SLC12A6: variants seen among roughly 807,000 people sequenced by gnomAD.
The protein encoded by SLC12A6 is solute carrier family 12 member 6, also known as K-Cl cotransporter 3.
SLC12A6 carries 66 observed loss-of-function variants against 135.3 expected under a neutral mutation model. That is an observed-to-expected ratio of 0.49 (90% CI 0.40 to 0.60). The LOEUF (loss-of-function observed/expected upper bound fraction) is 0.60. Among genes scored for constraint, SLC12A6 ranks in the 20% least tolerant of loss-of-function variants. The pLI is 0.00. For missense variants in SLC12A6, 1,058 were observed against 1,452.3 expected, an observed-to-expected ratio of 0.73 and a Z score of 4.41; for synonymous variants, 513 against 508.8, an observed-to-expected ratio of 1.01 and a Z score of -0.11.
chr15:34,271,421 T>C (rs1236559291), intron 3 of SLC12A6, among the ~76,000 whole-genome samples: 1 of 151,940 alleles, frequency 6.6e-6, no homozygotes, highest in African/African-American at 2.4e-5. Context: ...GTTTTGGTTA[T>C]CAAGGTTGCA....
intron 9 of SLC12A6, among the ~76,000 whole-genome samples, chr15:34,252,979 C>G (rs1400653764): frequency 2.0e-5 from 3 of 152,076 alleles, no homozygotes; most frequent in African/African-American, 7.2e-5. Context: ...CCTCTATGGC[C>G]TAAGAGAAAA....
chr15:34,239,488 T>C (rs950110795), intron 19 of SLC12A6, among the ~76,000 whole-genome samples: 1 of 152,216 alleles, frequency 6.6e-6, no homozygotes. Flanking sequence ...TCTTTCTCAG[T>C]TGACCAGGGT....
At chr15:34,255,131 G>C in intron 8 of SLC12A6, 131 bp downstream of exon 8, 1 of 802,838 alleles carries the variant, frequency 1.2e-6, no homozygotes, top group Non-Finnish European at 2.2e-6. Flanking sequence ...TCATGTAAGA[G>C]GCCAACTGAC....
intron 2 of SLC12A6, among the ~76,000 whole-genome samples, chr15:34,327,150 T>TA (rs1566874304): frequency 6.6e-6 from 1 of 151,962 alleles, no homozygotes; most frequent in Non-Finnish European, 1.5e-5. Context: ...AATGACTTTT[T>TA]AAAAAATGAA....
In SLC12A6 at chr15:34,262,788, G is replaced by A. The variant is rs114313717; in HGVS notation, c.317-1768C>T. Among the ~76,000 whole-genome samples the A allele has an allele frequency of 6.8e-3, 1,033 of 152,276 alleles. 13 individuals carry two copies. The highest frequency in any genetic ancestry group is 0.023 in the African/African-American group (972 of 41,556). On this transcript the variant is annotated intron_variant, in intron 3 of 25. Coordinates refer to ENST00000354181, the MANE Select transcript of SLC12A6 (RefSeq NM_001365088.1). ...ACAGCCCGCTTCTGTCTCACTGCTT[G>A]GAGCAGCCAGCTGGACACTGCACTC...
At position 34,236,119 on chromosome 15, in the gene SLC12A6, A is replaced by G; in HGVS notation, c.3123T>C (p.Tyr1041=). 6.2e-7 allele frequency: 1 copy of G among 1,613,488 alleles called. No homozygotes were observed. The change falls in exon 24 of 26, where the codon TAT becomes TAC. Residue 1041 remains tyrosine, a synonymous_variant. Transcript: ENST00000354181. ...TCCAAGTCATGTGCACCTTCTCCTG[A>G]TAGGTTTCTGTCTCTTCGTCCTCAT... ...GSDEDEETET[Y]QEKVHMTWTK...
chr15:34,270,573 C>T (rs1343062389), intron 3 of SLC12A6, among the ~76,000 whole-genome samples: 1 of 152,044 alleles, frequency 6.6e-6, no homozygotes, highest in African/African-American at 2.4e-5. Context: ...GAGGACGAGA[C>T]AGGCGGATCA....
intron 2 of SLC12A6, among the ~76,000 whole-genome samples, chr15:34,297,574 G>C (rs1246170661): frequency 6.6e-6 from 1 of 152,224 alleles, no homozygotes; most frequent in South Asian, 2.1e-4. Flanking sequence ...CCAGGCCTCA[G>C]CTGTGGTCTT....
At chr15:34,250,557 T>A in intron 12 of SLC12A6, 74 bp downstream of exon 12, 1 of 902,996 alleles carries the variant, frequency 1.1e-6, no homozygotes, top group Non-Finnish European at 1.9e-6. Context: ...GTTACCAGGA[T>A]AAAAATACTG....
At chr15:34,265,373 A>C (rs1381740426) in intron 3 of SLC12A6, among the ~76,000 whole-genome samples, 4 of 151,774 alleles carry the variant, frequency 2.6e-5, no homozygotes, top group African/African-American at 9.7e-5. Context: ...TACAGAAGAC[A>C]GAAAGTAAGT....
chr15:34,243,308 G>C (rs999461134), intron 16 of SLC12A6, among the ~76,000 whole-genome samples: 3 of 152,196 alleles, frequency 2.0e-5, no homozygotes, highest in Non-Finnish European at 2.9e-5. Flanking sequence ...CCATTGGTAA[G>C]TGAAGACAGA....
intron 2 of SLC12A6, among the ~76,000 whole-genome samples, chr15:34,301,889 T>C (rs347845): frequency 0.4 from 60,151 of 152,104 alleles, 14,907 homozygotes; most frequent in African/African-American, 0.71. Context: ...TAACAGAGGC[T>C]CTTAAGCAAA....
intron 2 of SLC12A6, chr15:34,299,623 C>T (rs1355329121): frequency 2.0e-5 from 3 of 152,158 alleles, no homozygotes; most frequent in African/African-American, 7.2e-5. Context: ...GGTATTTGAG[C>T]TCAGTCTTAA....
At position 34,245,731 on chromosome 15, in the gene SLC12A6, G is replaced by A. The variant is rs934613592; in HGVS notation, c.1786C>T (p.Gln596Ter). 1 of 1,613,804 alleles carries A rather than the reference G, an allele frequency of 6.2e-7. No individual in the cohort carries two copies. Among genetic ancestry groups the A allele is most frequent in the Non-Finnish European group, 8.5e-7 (1 of 1,179,794 alleles). The change falls in exon 14 of 26, where the codon CAA (glutamine) becomes TAA (stop). Residue 596 changes from glutamine (Q) to a stop codon, truncating the protein, a stop_gained. Transcript: ENST00000354181. LOFTEE classifies it high-confidence loss of function. The stretch of plus-strand genomic sequence containing the variant: ...ATGATGTTATCCTTGGCAATAGCTT[G>A]TAGCAGCCTCGGTGCACCTGTGAGG... ...QSLTGAPRLL[Q>*]AIAKDNIIPF...
chr15:34,272,249 G>GT (rs1566829705), intron 3 of SLC12A6, among the ~76,000 whole-genome samples: 1 of 152,174 alleles, frequency 6.6e-6, no homozygotes, highest in Non-Finnish European at 1.5e-5. Flanking sequence ...GATTACAGGC[G>GT]TGGTGAACCA....
chr15:34,241,085 A>T, intron 18 of SLC12A6, 148 bp downstream of exon 18: 1 of 672,482 alleles, frequency 1.5e-6, no homozygotes, highest in Admixed American at 2.5e-5. Flanking sequence ...AAAAGGGAAT[A>T]AAAAAATTAA....
At chr15:34,247,237 G>C (rs1336901321) in intron 13 of SLC12A6, among the ~76,000 whole-genome samples, 1 of 152,156 alleles carries the variant, frequency 6.6e-6, no homozygotes, top group Admixed American at 6.5e-5. Flanking sequence ...AGTGTGCAAG[G>C]CTGGGTGCGG....
intron 2 of SLC12A6, among the ~76,000 whole-genome samples, chr15:34,314,049 A>AT (rs199648925): frequency 0.11 from 15,336 of 140,434 alleles, 2,773 homozygotes; most frequent in African/African-American, 0.37. Context: ...TGGTTTATTG[A>AT]TTTTTTTTTT....
At chr15:34,284,306 G>A (rs934277246) in intron 2 of SLC12A6, among the ~76,000 whole-genome samples, 15 of 116,888 alleles carry the variant, frequency 1.3e-4, no homozygotes, top group East Asian at 2.5e-4. Context: ...TTTTTGAGAC[G>A]GAGTCCTGCT....
Sources: gnomAD v4.1 joint callset for allele counts (sites outside exome capture counted in the v4.1 genomes callset) on GRCh38, gnomAD v4.1.1 for gene constraint, MANE v1.5 for transcripts, NCBI Gene and HGNC (gene_info 2026-07-23, HGNC 2026-07-21) for gene names.